KIF15: variants seen among roughly 807,000 people sequenced by gnomAD.
KIF15 encodes the protein kinesin family member 15, also known as kinesin-like protein KIF15.
Under a neutral mutation model 190.6 loss-of-function variants are expected in KIF15, and 140 were observed. The ratio of observed to expected loss-of-function variants is 0.73; its 90% confidence interval spans 0.64 to 0.84. KIF15 has a LOEUF of 0.84. KIF15 is among the 40% of genes least tolerant of loss of function. The pLI, the probability that KIF15 is intolerant of heterozygous loss-of-function variation, is 0.00. For synonymous variants in KIF15, 528 were observed against 551.3 expected (o/e 0.96, Z 0.59); for missense variants, 1,372 against 1,584.4 (o/e 0.87, Z 2.28).
chr3:44,836,482 T>C (rs1698329557), intron 26 of KIF15, among the ~76,000 whole-genome samples: 2 of 152,120 alleles, frequency 1.3e-5, no homozygotes, highest in Non-Finnish European at 2.9e-5. Context: ...GGGAAGATTA[T>C]ACAATATTAA....
rs377308305 is a variant in KIF15 at position 44,794,206 on chromosome 3, C to G, written c.640-11C>G. 12 of 1,605,472 alleles carry G rather than the reference C, an allele frequency of 7.5e-6. No individual in the cohort carries two copies. Among genetic ancestry groups the G allele is most frequent in the Non-Finnish European group, 1.0e-5 (12 of 1,175,232 alleles). On this transcript the variant is annotated splice_polypyrimidine_tract_variant and intron_variant, in intron 7 of 34. Transcript: ENST00000326047. ...CTCTCATTTCTTTTAATATGTTTTC[C>G]TTTTGCATAGGTGTTGTCTGGAGGA...
downstream of KIF15, among the ~76,000 whole-genome samples, chr3:44,856,258 G>A (rs1699187688): frequency 1.3e-5 from 2 of 152,202 alleles, no homozygotes; most frequent in Non-Finnish European, 2.9e-5. Context: ...TGTGAGTAAA[G>A]TCAATTTGCC....
intron 18 of KIF15, 78 bp from the exon 19 acceptor site, chr3:44,812,997 A>AT: frequency 3.5e-6 from 3 of 860,600 alleles, no homozygotes; most frequent in Non-Finnish European, 5.4e-6. Flanking sequence ...AAAAAAAAAA[A>AT]GAAACAGGTT....
chr3:44,840,555 A>G (rs889620410), intron 28 of KIF15, 99 bp downstream of exon 28: 2 of 756,868 alleles, frequency 2.6e-6, no homozygotes, highest in African/African-American at 1.8e-5. Context: ...TTTTTAAAGA[A>G]AAAGATTTTC....
chr3:44,785,850 C>T (rs1477031326), intron 6 of KIF15, among the ~76,000 whole-genome samples: 10 of 152,164 alleles, frequency 6.6e-5, no homozygotes, highest in African/African-American at 1.7e-4. Context: ...CCTGTATTAG[C>T]TCCCAGGCAC....
intron 33 of KIF15, 120 bp downstream of exon 33, chr3:44,852,072 G>T: frequency 7.1e-7 from 1 of 1,415,254 alleles, no homozygotes. Flanking sequence ...ATTGTATGAA[G>T]AGTTGTGAGG....
intron 30 of KIF15, among the ~76,000 whole-genome samples, chr3:44,845,572 T>A (rs527564623): frequency 1.3e-5 from 2 of 152,070 alleles, no homozygotes; most frequent in South Asian, 4.2e-4. Context: ...GCTACTATGT[T>A]GCCAAAACAT....
chr3:44,786,854 A>G (rs1309502824), intron 7 of KIF15, among the ~76,000 whole-genome samples: 1 of 152,072 alleles, frequency 6.6e-6, no homozygotes, highest in Non-Finnish European at 1.5e-5. Context: ...CTCCTGGGAG[A>G]TGCCTGTTTG....
chr3:44,803,862 T>C (rs1487256838), intron 14 of KIF15, among the ~76,000 whole-genome samples: 1 of 151,984 alleles, frequency 6.6e-6, no homozygotes, highest in Non-Finnish European at 1.5e-5. Context: ...TTTTCTGTTG[T>C]TTTTTTTGAG....
At position 44,841,111 on chromosome 3, in the gene KIF15, C is replaced by T; in HGVS notation, c.3458C>T (p.Ala1153Val). 1 of 1,613,560 alleles carries T rather than the reference C, an allele frequency of 6.2e-7. No individual in the cohort carries two copies. Among genetic ancestry groups the T allele is most frequent in the Non-Finnish European group, 8.5e-7 (1 of 1,179,706 alleles). ...KTPPHFQTHLAKLLETQEQEI... is the reference protein window; with the variant it reads ...KTPPHFQTHLVKLLETQEQEI... ...CCACCTCACTTTCAAACACATTTGG[C>T]AAAACTCCTGGAAACACAAGAACAA... Residue 1153 changes from alanine to valine, a missense_variant, in exon 29 of 35, where the codon GCA becomes GTA. Physicochemically the swap from Ala to Val is moderately conservative, Grantham distance 64 (BLOSUM62 0). Transcript: ENST00000326047.
intron 29 of KIF15, 142 bp downstream of exon 29, chr3:44,841,380 C>A: frequency 1.7e-6 from 1 of 571,668 alleles, no homozygotes; most frequent in Non-Finnish European, 3.0e-6. Flanking sequence ...CATGCCCAGC[C>A]AGTAAATTTA....
chr3:44,815,113 T>C (rs1707969858), intron 20 of KIF15, 37 bp downstream of exon 20: 1 of 1,503,276 alleles, frequency 6.7e-7, no homozygotes, highest in Non-Finnish European at 8.9e-7. Flanking sequence ...GTTGCCTGAT[T>C]GGCTGTAACC....
At chr3:44,850,581 T>C (rs1699026092) in intron 32 of KIF15, among the ~76,000 whole-genome samples, 1 of 152,190 alleles carries the variant, frequency 6.6e-6, no homozygotes, top group Non-Finnish European at 1.5e-5. Flanking sequence ...ATGCACTGTT[T>C]TATCAATCCC....
In KIF15 at chr3:44,768,853, C is replaced by T. The variant is rs369924542; in HGVS notation, c.20-5542C>T. The stretch of plus-strand genomic sequence containing the variant: ...CGACTGGAGTTTGATGACCTGAAGG[C>T]GAGAAGAGACAAACTGAGTTATTAG... On this transcript the variant is annotated intron_variant, in intron 1 of 34. Transcript: ENST00000326047. Among the ~76,000 whole-genome samples the T allele has an allele frequency of 6.6e-5, 10 of 152,030 alleles. No individual in the cohort carries two copies. The South Asian group carries it at 1.2e-3, about 19-fold the overall frequency.
chr3:44,826,336 G>A lies in KIF15; in HGVS notation c.2701-39G>A, dbSNP rs75499919. On this transcript the variant is annotated intron_variant, in intron 21 of 34. Transcript: ENST00000326047. Reference sequence around the variant, plus strand: ...TTGACATGTTCGTTGACTATGCATTGCTAGTAACAGTTACTTAAAATCTAA... The same window carrying A: ...TTGACATGTTCGTTGACTATGCATTACTAGTAACAGTTACTTAAAATCTAA... 6,327 of 1,576,346 alleles carry A rather than the reference G, an allele frequency of 4.0e-3. 160 individuals carry two copies. In the African/African-American group the frequency reaches 0.066, roughly 16 times the overall value.
intron 4 of KIF15, among the ~76,000 whole-genome samples, chr3:44,780,089 T>TA (rs1458643585): frequency 1.1e-5 from 1 of 88,166 alleles, no homozygotes. Flanking sequence ...TTTTTTTTTT[T>TA]AAAAGAGATG....
chr3:44,803,974 C>T (rs1398777571), intron 14 of KIF15, among the ~76,000 whole-genome samples: 1 of 151,974 alleles, frequency 6.6e-6, no homozygotes, highest in Non-Finnish European at 1.5e-5. Context: ...GCCTCAGGCT[C>T]CCTCCTGGGA....
intron 20 of KIF15, 114 bp from the exon 21 acceptor site, chr3:44,825,925 C>T (rs560127879): frequency 1.1e-6 from 1 of 902,946 alleles, no homozygotes; most frequent in Admixed American, 3.2e-5. Flanking sequence ...TCACTCGAGG[C>T]TTATGTGAGT....
chr3:44,789,691 T>TATATATATATAAAA (rs1200236750), intron 7 of KIF15, among the ~76,000 whole-genome samples: 1 of 109,774 alleles, frequency 9.1e-6, no homozygotes, highest in African/African-American at 3.7e-5. Flanking sequence ...TATATATATA[T>TATATATATATAAAA]AAAATAGATA....
Sources: allele counts gnomAD v4.1 joint callset (sites outside exome capture counted in the v4.1 genomes callset), GRCh38; gene constraint gnomAD v4.1.1; transcripts MANE v1.5; gene names NCBI Gene and HGNC (gene_info 2026-07-23, HGNC 2026-07-21).